The following RPTOR variants were observed in gnomAD, a reference collection of about 807,000 sequenced individuals.
The protein encoded by RPTOR is regulatory-associated protein of mTOR.
In RPTOR, 21 loss-of-function variants were observed where a neutral mutation model predicts 169.9. The ratio of observed to expected loss-of-function variants is 0.12; its 90% CI spans 0.09 to 0.18. The LOEUF is 0.18. Among genes scored for constraint, RPTOR ranks in the 10% least tolerant of loss-of-function variants. The probability of loss-of-function intolerance (pLI) is 1.00; values close to 1 mark genes in which losing one functional copy is unlikely to be tolerated. For missense variants in RPTOR, 1,133 were observed against 1,855.9 expected (o/e 0.61, Z 7.16); for synonymous variants, 732 against 753.2 (o/e 0.97, Z 0.46).
Position 80,579,112 on chromosome 17 carries a change from G to A in RPTOR, c.162+33321G>A, listed in dbSNP as rs76011419. 6.9e-3 allele frequency among the ~76,000 whole-genome samples: 1,051 copies of A among 152,314 alleles called. 16 individuals are homozygous for A. Among genetic ancestry groups the A allele is most frequent in the African/African-American group, 0.024 (1,009 of 41,556 alleles). On this transcript the variant is annotated intron_variant, in intron 1 of 33. Transcript: ENST00000306801. Reference sequence around the variant, plus strand: ...GTTATTATTTACATATGGGATCTGAGCCTCCTGTGCTTTGCCCGAGTTAGG... The same window carrying A: ...GTTATTATTTACATATGGGATCTGAACCTCCTGTGCTTTGCCCGAGTTAGG...
At chr17:80,880,259 G>C (rs994556209) in intron 13 of RPTOR, among the ~76,000 whole-genome samples, 156 bp from the exon 14 acceptor site, 1 of 152,192 alleles carries the variant, frequency 6.6e-6, no homozygotes, top group South Asian at 2.1e-4. Context: ...TGCAGGCACC[G>C]GCTGCAGCTG....
At chr17:80,807,588 G>A (rs2067231970) in intron 7 of RPTOR, among the ~76,000 whole-genome samples, 1 of 152,144 alleles carries the variant, frequency 6.6e-6, no homozygotes, top group Admixed American at 6.5e-5. Flanking sequence ...CTGACCTCAG[G>A]TGATCCGCCC....
chr17:80,798,649 C>T (rs1233437789), intron 7 of RPTOR, among the ~76,000 whole-genome samples: 1 of 152,088 alleles, frequency 6.6e-6, no homozygotes, highest in African/African-American at 2.4e-5. Context: ...AAGCGACACC[C>T]TATGATGCGC....
intron 20 of RPTOR, among the ~76,000 whole-genome samples, chr17:80,895,580 G>A (rs1199358272): frequency 1.3e-5 from 2 of 152,354 alleles, no homozygotes; most frequent in African/African-American, 2.4e-5. Context: ...AAACGGGCAC[G>A]TGTGTGGTGC....
Position 80,793,210 on chromosome 17 carries a change from C to A in RPTOR, c.890+1701C>A, listed in dbSNP as rs1165879634. On this transcript the variant is annotated intron_variant, in intron 7 of 33. Transcript: ENST00000306801. ...CATGTTTTCGGATTAGTGATAAATC[C>A]AAAAAACTTAACTGGTAAGTATAAT... Among the ~76,000 whole-genome samples the A allele has an allele frequency of 2.0e-5, 3 of 152,122 alleles. No individual in the cohort carries two copies. The East Asian group carries it at 5.8e-4, about 29-fold the overall frequency.
At chr17:80,548,891 C>T (rs2084311613) in intron 1 of RPTOR, among the ~76,000 whole-genome samples, 1 of 149,804 alleles carries the variant, frequency 6.7e-6, no homozygotes, top group Admixed American at 6.6e-5. Flanking sequence ...GATTTTGCTT[C>T]TTCTTGTGGT....
At chr17:80,963,413 C>A in intron 33 of RPTOR, among the ~76,000 whole-genome samples, 2 of 142,000 alleles carry the variant, frequency 1.4e-5, no homozygotes, top group East Asian at 2.1e-4. Flanking sequence ...GTGCGGCCCT[C>A]ACCCCGTCCC....
chr17:80,768,702 G>A (rs758739260), intron 6 of RPTOR, among the ~76,000 whole-genome samples: 14 of 152,028 alleles, frequency 9.2e-5, no homozygotes, highest in Non-Finnish European at 1.8e-4. Context: ...CCTACTAATC[G>A]ACTGACTTAT....
chr17:80,804,012 CA>C lies in RPTOR; in HGVS notation c.890+12504del, dbSNP rs1187986636. On this transcript the variant is annotated intron_variant, in intron 7 of 33. Transcript: ENST00000306801. ...TCTTTGAAAGAGGCATATGTAGCTT[CA>C]GTATTTATAATTAACACCGCTAACC... 1.1e-4 allele frequency among the ~76,000 whole-genome samples: 17 copies of C among 152,320 alleles called. No individual in the cohort carries two copies. In the East Asian group the frequency reaches 3.3e-3, roughly 29 times the overall value.
intron 1 of RPTOR, among the ~76,000 whole-genome samples, chr17:80,554,800 C>G (rs1045579672): frequency 6.6e-6 from 1 of 151,572 alleles, no homozygotes; most frequent in Non-Finnish European, 1.5e-5. Flanking sequence ...AAATGAGAAT[C>G]CAGTTGTCTT....
intron 6 of RPTOR, among the ~76,000 whole-genome samples, chr17:80,767,926 C>T (rs2066803912): frequency 6.6e-6 from 1 of 151,966 alleles, no homozygotes; most frequent in Non-Finnish European, 1.5e-5. Context: ...TGCAGTGGTG[C>T]AATCTCAGCT....
chr17:80,625,180 G>A (rs2065383720), intron 1 of RPTOR, among the ~76,000 whole-genome samples: 1 of 152,166 alleles, frequency 6.6e-6, no homozygotes, highest in Non-Finnish European at 1.5e-5. Context: ...AGTGAACAAC[G>A]CAGGCAGTGA....
intron 20 of RPTOR, among the ~76,000 whole-genome samples, chr17:80,903,352 C>G (rs1425208028): frequency 6.6e-6 from 1 of 152,146 alleles, no homozygotes; most frequent in Non-Finnish European, 1.5e-5. Flanking sequence ...GAACTACTGC[C>G]TTTGGAGGAA....
intron 10 of RPTOR, among the ~76,000 whole-genome samples, chr17:80,840,597 CG>C (rs2067624201): frequency 1.1e-5 from 1 of 92,366 alleles, no homozygotes; most frequent in South Asian, 4.9e-4. Context: ...ATTCACCGCA[CG>C]GCAGCTCACT....
At chr17:80,697,386 G>T (rs1372635680) in intron 3 of RPTOR, among the ~76,000 whole-genome samples, 1 of 152,230 alleles carries the variant, frequency 6.6e-6, no homozygotes, top group Non-Finnish European at 1.5e-5. Context: ...TTTTATCCAG[G>T]ACCTGCCGTC....
rs539263210 is a variant in RPTOR, at chr17:80,675,773, T to A, written c.348+31963T>A. Among the ~76,000 whole-genome samples the A allele has an allele frequency of 1.3e-4, 20 of 152,312 alleles. No homozygotes were observed. In the East Asian group the frequency reaches 3.7e-3, roughly 28 times the overall value. On this transcript the variant is annotated intron_variant, in intron 3 of 33. Transcript: ENST00000306801. ...CAGCACATCCGTGAATTTCAGAACG[T>A]GCCCCTGCCTGCTTGTCTGCCCCCC...
chr17:80,843,552 G>A (rs919181525), intron 10 of RPTOR, among the ~76,000 whole-genome samples: 3 of 152,106 alleles, frequency 2.0e-5, no homozygotes, highest in South Asian at 4.2e-4. Flanking sequence ...CTGAGCAGCC[G>A]TACAGGGGGA....
At chr17:80,662,277 G>A (rs1220950789) in intron 3 of RPTOR, among the ~76,000 whole-genome samples, 2 of 152,156 alleles carry the variant, frequency 1.3e-5, no homozygotes, top group Non-Finnish European at 2.9e-5. Flanking sequence ...TGAACGCCCC[G>A]ATGAGTTCGT....
chr17:80,857,889 G>A lies in RPTOR; in HGVS notation c.1498G>A (p.Ala500Thr), dbSNP rs755927307. ...CGTTTTCATCTGGGCCAAGATCCTC[G>A]CAGTGGACAGCGTGAGTATCCCCGC... ...LLVFIWAKIL[A>T]VDSSCQADLV... The change falls in exon 13 of 34, where the codon GCA (alanine) becomes ACA (threonine). Residue 500 changes from alanine (A) to threonine (T), a missense_variant. Ala to Thr is a moderately conservative substitution (Grantham distance 58, BLOSUM62 0). Transcript: ENST00000306801. The A allele has an allele frequency of 1.9e-6, 3 of 1,612,740 alleles. No individual in the cohort carries two copies. The highest frequency in any genetic ancestry group is 2.5e-6 in the Non-Finnish European group (3 of 1,179,430).
Sources: allele counts gnomAD v4.1 joint callset (sites outside exome capture counted in the v4.1 genomes callset), GRCh38; gene constraint gnomAD v4.1.1; transcripts MANE v1.5; gene names NCBI Gene and HGNC (gene_info 2026-07-23, HGNC 2026-07-21).